The following JCAD variants were observed in gnomAD, a reference collection of about 807,000 sequenced individuals.
JCAD encodes the protein junctional cadherin 5 associated, also known as junctional cadherin 5-associated protein.
A neutral mutation model predicts 98.0 loss-of-function variants in JCAD; 40 were observed. The observed-to-expected ratio is 0.41, with a 90% CI of 0.32 to 0.53. The LOEUF is 0.53. JCAD is among the 20% of genes least tolerant of loss of function. The pLI is 0.31. For synonymous variants in JCAD, 691 were observed against 682.3 expected (o/e 1.01, Z -0.20); for missense variants, 1,705 against 1,738.1 (o/e 0.98, Z 0.34).
At chr10:30,048,692 A>T (rs1186811796) in intron 1 of JCAD, among the ~76,000 whole-genome samples, 1 of 151,846 alleles carries the variant, frequency 6.6e-6, no homozygotes, top group Non-Finnish European at 1.5e-5. Flanking sequence ...CAGCCTCTCG[A>T]GTTGCTGGGA....
At chr10:30,038,348 G>C (rs1837163860) in intron 2 of JCAD, among the ~76,000 whole-genome samples, 1 of 152,100 alleles carries the variant, frequency 6.6e-6, no homozygotes, top group African/African-American at 2.4e-5. Context: ...ATGCAAGGGG[G>C]CGCCTCATTG....
intron 1 of JCAD, among the ~76,000 whole-genome samples, chr10:30,085,918 C>CT (rs11386371): frequency 0.41 from 62,263 of 151,972 alleles, 14,044 homozygotes; most frequent in African/African-American, 0.59. Context: ...AGTCCTTCCC[C>CT]AGAAAGTCTA....
At chr10:30,101,408 C>CA (rs1459948004) in intron 1 of JCAD, among the ~76,000 whole-genome samples, 1 of 151,852 alleles carries the variant, frequency 6.6e-6, no homozygotes, top group Non-Finnish European at 1.5e-5. Context: ...GACTCAGTCT[C>CA]AAAAAAAGAG....
intron 2 of JCAD, among the ~76,000 whole-genome samples, chr10:30,037,531 T>A (rs12763107): frequency 0.08 from 12,198 of 152,226 alleles, 710 homozygotes; most frequent in African/African-American, 0.16. Context: ...TAATGCATTG[T>A]CAGGCCTGCT....
chr10:30,032,415 T>C (rs989354361), intron 2 of JCAD, among the ~76,000 whole-genome samples: 1 of 152,134 alleles, frequency 6.6e-6, no homozygotes, highest in African/African-American at 2.4e-5. Flanking sequence ...CTGAAGAACA[T>C]AATGTGCAGA....
intron 1 of JCAD, among the ~76,000 whole-genome samples, chr10:30,052,602 G>A (rs1837492701): frequency 6.6e-6 from 1 of 152,210 alleles, no homozygotes. Context: ...AGGGAAGGCA[G>A]GCCAGGAGCG....
chr10:30,056,458 AG>A (rs919016104), intron 1 of JCAD, among the ~76,000 whole-genome samples: 1 of 152,168 alleles, frequency 6.6e-6, no homozygotes, highest in African/African-American at 2.4e-5. Flanking sequence ...AGAGATAACC[AG>A]TAGCAACAAT....
At chr10:30,061,332 C>G (rs373122473), upstream of JCAD, among the ~76,000 whole-genome samples, 14 of 152,278 alleles carry the variant, frequency 9.2e-5, no homozygotes, top group South Asian at 2.9e-3. Flanking sequence ...CACCGGAGGT[C>G]TGGAGTTCGA....
intron 1 of JCAD, among the ~76,000 whole-genome samples, chr10:30,091,557 T>A (rs1036551855): frequency 6.6e-6 from 1 of 152,088 alleles, no homozygotes; most frequent in Non-Finnish European, 1.5e-5. Context: ...ATGATTAAAG[T>A]CCTTGGCTAT....
intron 3 of JCAD, among the ~76,000 whole-genome samples, chr10:30,021,423 C>T (rs2132603917): frequency 6.6e-6 from 1 of 152,248 alleles, no homozygotes; most frequent in African/African-American, 2.4e-5. Flanking sequence ...TGGTTTTGGG[C>T]TCAGATGATC....
Position 30,028,268 on chromosome 10 carries a change from A to C in JCAD, c.1880T>G (p.Met627Arg), listed in dbSNP as rs1242382167. Residue 627 changes from methionine to arginine, a missense_variant, in exon 3 of 4, where the codon ATG (methionine) becomes AGG (arginine). Around this residue, in one of 3 missense-constraint regions of JCAD, gnomAD observed 1,278 missense variants for 1,243.1 expected, o/e 1.03. Transcript: ENST00000375377. The stretch of plus-strand genomic sequence containing the variant: ...CTGCAGCTCCAGGTCGGTGGAAGAC[A>C]TGCTCAGCAGACTCTGTTCTTGCAG... ...PALQEQSLLS[M>R]SSTDLELQAL... The C allele has an allele frequency of 5.6e-6, 9 of 1,614,230 alleles. No homozygotes were observed. Among genetic ancestry groups the C allele is most frequent in the Non-Finnish European group, 6.8e-6 (8 of 1,180,052 alleles).
At chr10:30,032,700 T>C (rs954411518) in intron 2 of JCAD, among the ~76,000 whole-genome samples, 4 of 152,252 alleles carry the variant, frequency 2.6e-5, no homozygotes, top group African/African-American at 7.2e-5. Flanking sequence ...CTTTGATACA[T>C]ATCTTCTCAC....
chr10:30,095,757 G>A (rs1325414227), intron 1 of JCAD, among the ~76,000 whole-genome samples: 2 of 152,212 alleles, frequency 1.3e-5, no homozygotes, highest in Non-Finnish European at 2.9e-5. Context: ...ATATTGATGA[G>A]GTTAGCAGCT....
chr10:30,046,879 G>C (rs1038117810), intron 2 of JCAD, among the ~76,000 whole-genome samples: 4 of 152,088 alleles, frequency 2.6e-5, no homozygotes, highest in Admixed American at 1.3e-4. Context: ...ACTGCATGAG[G>C]CCAGGAGTTA....
chr10:30,114,273 G>T (rs771743422), intron 1 of JCAD, among the ~76,000 whole-genome samples: 4 of 152,114 alleles, frequency 2.6e-5, no homozygotes, highest in Non-Finnish European at 4.4e-5. Flanking sequence ...GGGAGATACA[G>T]GATAAACACC....
At chr10:30,100,622 G>C (rs1426389453) in intron 1 of JCAD, among the ~76,000 whole-genome samples, 1 of 152,174 alleles carries the variant, frequency 6.6e-6, no homozygotes, top group East Asian at 1.9e-4. Flanking sequence ...AACCTCAGGT[G>C]ATCTGCCCAC....
At chr10:30,092,064 A>ATATATAT (rs1447017693) in intron 1 of JCAD, among the ~76,000 whole-genome samples, 3 of 19,022 alleles carry the variant, frequency 1.6e-4, no homozygotes, top group African/African-American at 6.7e-4. Flanking sequence ...AAAAAAAAAA[A>ATATATAT]ATATATATAT....
In JCAD at chr10:30,035,432, C is replaced by G. The variant is rs539022474; in HGVS notation, c.282-5566G>C. 1.7e-4 allele frequency among the ~76,000 whole-genome samples: 26 copies of G among 152,274 alleles called. 2 individuals carry two copies. In the South Asian group the frequency reaches 3.3e-3, roughly 19 times the overall value. ...CCACATGACATAGAAAACTATAAACCATTTAATTAATAAACATCTATTTTG... is the reference window on the plus strand; with the variant it reads ...CCACATGACATAGAAAACTATAAACGATTTAATTAATAAACATCTATTTTG... On this transcript the variant is annotated intron_variant, in intron 2 of 3. Transcript: ENST00000375377.
chr10:30,029,145 A>G lies in JCAD; in HGVS notation c.1003T>C (p.Leu335=). 6.2e-7 allele frequency: 1 copy of G among 1,614,126 alleles called. No homozygotes were observed. Among genetic ancestry groups the G allele is most frequent in the Non-Finnish European group, 8.5e-7 (1 of 1,180,020 alleles). Residue 335 remains leucine (L), a synonymous_variant, in exon 3 of 4, where the codon TTG becomes CTG. Transcript: ENST00000375377. ...GGAGGCACGTACACTGGAGGTTCCA[A>G]TCCAGGGTCTGACAGGCAGAGCTCA... ...RHELCLSDPG[L]EPPVYVPPPS... is the part of the protein sequence containing the mutation.
Sources: gnomAD v4.1 joint callset for allele counts (sites outside exome capture counted in the v4.1 genomes callset) on GRCh38, gnomAD v4.1.1 for gene constraint, gnomAD v4.1.1 regional missense constraint, MANE v1.5 for transcripts, NCBI Gene and HGNC (gene_info 2026-07-23, HGNC 2026-07-21) for gene names.